The following AGAP2 variants were observed in gnomAD, a reference collection of about 807,000 sequenced individuals.
AGAP2 encodes the protein ArfGAP with GTPase domain, ankyrin repeat and PH domain 2, also known as arf-GAP with GTPase, ANK repeat and PH domain-containing protein 2.
In AGAP2, 32 loss-of-function variants were observed where a neutral mutation model predicts 110.9. The observed-to-expected ratio is 0.29, with a 90% CI of 0.22 to 0.39. The LOEUF is 0.39. Among genes scored for constraint, AGAP2 ranks in the 10% least tolerant of loss-of-function variants. The pLI is 1.00. For synonymous variants in AGAP2, 702 were observed against 713.0 expected (o/e 0.98, Z 0.25); for missense variants, 1,285 against 1,638.5 (o/e 0.78, Z 3.72).
chr12:57,737,543 G>T lies in AGAP2; in HGVS notation c.704C>A (p.Ser235Tyr). The T allele has an allele frequency of 1.3e-6, 2 of 1,556,202 alleles. No homozygotes were observed. The highest frequency in any genetic ancestry group is 2.4e-5 in the South Asian group (2 of 85,026). Residue 235 changes from serine (S) to tyrosine (Y), a missense_variant, in exon 1 of 19, where the codon TCT (serine) becomes TAT (tyrosine). By Grantham distance (144) the Ser-to-Tyr change is moderately radical (BLOSUM62 -2). Around this residue, in one of 7 missense-constraint regions of AGAP2, gnomAD observed 844 missense variants for 941.2 expected, o/e 0.90. Coordinates refer to ENST00000547588, the MANE Select transcript of AGAP2 (RefSeq NM_001122772.3). The surrounding 1 kb of genome is among the most constrained non-coding windows in gnomAD (Gnocchi z 5.9). ...KSSAGTGASV[S>Y]AAATAAAAGG... The stretch of plus-strand genomic sequence containing the variant: ...GGCGGCGGCGGCGGTGGCGGCGGCA[G>T]AGACCGAAGCTCCAGTCCCGGCGCT...
At chr12:57,728,422 A>C in intron 13 of AGAP2, 45 bp from the exon 14 acceptor site, 1 of 1,596,776 alleles carries the variant, frequency 6.3e-7, no homozygotes, top group Non-Finnish European at 8.6e-7. Flanking sequence ...TGGAGAGCAG[A>C]ACAGAGAAAG....
chr12:57,735,470 A>C, intron 1 of AGAP2, 43 bp from the exon 2 acceptor site: 1 of 1,590,178 alleles, frequency 6.3e-7, no homozygotes, highest in Non-Finnish European at 8.6e-7. Flanking sequence ...CTCCTGGCTC[A>C]GAAGGACCCC....
In AGAP2 at chr12:57,728,353, T is replaced by C. The variant is rs1224525378; in HGVS notation, c.2582A>G (p.Lys861Arg). The change falls in exon 14 of 19, where the codon AAA becomes AGA. Residue 861 changes from lysine to arginine, a missense_variant. This residue lies in a region of AGAP2 where 135 missense variants were observed against 182.0 expected (regional missense o/e 0.74). Transcript: ENST00000547588. The stretch of plus-strand genomic sequence containing the variant: ...AATATTTCTTAAACTACCAAAGGAT[T>C]TTAGTTTCCACATTTTGCGCTTGGC... The part of the protein sequence containing the change: ...AEAKRKMWKL[K>R]SFGSLRNIYK... 1 of 1,613,972 alleles carries C rather than the reference T, an allele frequency of 6.2e-7. No individual in the cohort carries two copies. The highest frequency in any genetic ancestry group is 8.5e-7 in the Non-Finnish European group (1 of 1,179,886).
rs1381357906 is a variant in AGAP2 at position 57,737,544 on chromosome 12, A to G, written c.703T>C (p.Ser235Pro). 2 of 1,555,636 alleles carry G rather than the reference A, an allele frequency of 1.3e-6. No homozygotes were observed. The highest frequency in any genetic ancestry group is 8.7e-7 in the Non-Finnish European group (1 of 1,150,428). The change falls in exon 1 of 19, where the codon TCT becomes CCT. Residue 235 changes from serine (S) to proline (P), a missense_variant. By Grantham distance (74) the Ser-to-Pro change is moderately conservative. Coordinates refer to ENST00000547588, the MANE Select transcript of AGAP2 (RefSeq NM_001122772.3). The surrounding 1 kb of genome is among the most constrained non-coding windows in gnomAD (Gnocchi z 5.9). The stretch of plus-strand genomic sequence containing the variant: ...GCGGCGGCGGCGGTGGCGGCGGCAG[A>G]GACCGAAGCTCCAGTCCCGGCGCTG... ...KSSAGTGASVSAAATAAAAGG... is the reference protein window; with the variant it reads ...KSSAGTGASVPAAATAAAAGG...
Position 57,727,679 on chromosome 12 carries a change from A to C in AGAP2, c.2857+2T>G. On this transcript the variant is annotated splice_donor_variant, in intron 16 of 18. Coordinates refer to ENST00000547588, the MANE Select transcript of AGAP2 (RefSeq NM_001122772.3). LOFTEE classifies it high-confidence loss of function. ...GCCCCTCCGCTGCCTCCTGGCACTC[A>C]CTGGGGGCCCCGCAGTCCACGCAGA... 6.2e-7 allele frequency: 1 copy of C among 1,605,284 alleles called. No homozygotes were observed.
At chr12:57,729,551 T>C in intron 13 of AGAP2, 88 bp downstream of exon 13, 2 of 1,535,626 alleles carry the variant, frequency 1.3e-6, no homozygotes, top group Non-Finnish European at 1.7e-6. Flanking sequence ...CTCAGGCACT[T>C]TTCCTCCTGC....
At chr12:57,741,241 C>T (rs1470977985), upstream of AGAP2, among the ~76,000 whole-genome samples, 2 of 152,120 alleles carry the variant, frequency 1.3e-5, no homozygotes, top group Non-Finnish European at 2.9e-5. Flanking sequence ...GCATTTCCTC[C>T]CTGTGTTGTC....
upstream of AGAP2, among the ~76,000 whole-genome samples, chr12:57,740,250 T>C (rs923359304): frequency 6.6e-6 from 1 of 152,116 alleles, no homozygotes; most frequent in Non-Finnish European, 1.5e-5. Flanking sequence ...CCAGGAGCCC[T>C]TTGTTCTCCC....
At chr12:57,730,700 C>T (rs1595085866) in intron 11 of AGAP2, 86 bp from the exon 12 acceptor site, 1 of 1,606,674 alleles carries the variant, frequency 6.2e-7, no homozygotes, top group Non-Finnish European at 8.5e-7. Context: ...CAGCTTCCTA[C>T]TCGCCCAGTG....
intron 1 of AGAP2, among the ~76,000 whole-genome samples, chr12:57,735,944 C>T (rs936915289): frequency 6.6e-6 from 1 of 152,182 alleles, no homozygotes; most frequent in Non-Finnish European, 1.5e-5. Context: ...CCCTGGACCC[C>T]TCCCCACAGC....
chr12:57,731,600 G>T lies in AGAP2; in HGVS notation c.1996C>A (p.Arg666=). Residue 666 remains arginine (R), a synonymous_variant, in exon 9 of 19, where the codon CGG becomes AGG. Transcript: ENST00000547588. ...SDSEKRSLDS[R]GETTGSGRAI... is the part of the protein sequence containing the mutation. ...CGCCCACTCCCTGTTGTCTCTCCCC[G>T]ACTATCCAAGCTTCGTTTCTCGGAG... The T allele has an allele frequency of 6.2e-7, 1 of 1,614,046 alleles. No homozygotes were observed. Among genetic ancestry groups the T allele is most frequent in the Non-Finnish European group, 8.5e-7 (1 of 1,179,992 alleles).
At chr12:57,736,032 G>A (rs1030397755) in intron 1 of AGAP2, among the ~76,000 whole-genome samples, 1 of 152,196 alleles carries the variant, frequency 6.6e-6, no homozygotes, top group African/African-American at 2.4e-5. Flanking sequence ...AAGAACTGTG[G>A]GGAAGGGCTC....
intron 10 of AGAP2, 130 bp downstream of exon 10, chr12:57,731,236 G>T: frequency 1.2e-6 from 1 of 833,644 alleles, no homozygotes; most frequent in South Asian, 1.6e-5. Context: ...CTTAACACAT[G>T]CCTGCTAAAC....
chr12:57,730,439 C>T, intron 12 of AGAP2, 56 bp downstream of exon 12: 1 of 1,603,446 alleles, frequency 6.2e-7, no homozygotes, highest in Non-Finnish European at 8.5e-7. Flanking sequence ...ATTCATTTCC[C>T]ACACTCATCC....
rs2140368439 is a variant in AGAP2, at chr12:57,737,837, G to A, written c.410C>T (p.Pro137Leu). Residue 137 changes from proline to leucine, a missense_variant, in exon 1 of 19, where the codon CCC becomes CTC. By Grantham distance (98) the Pro-to-Leu change is moderately conservative. Coordinates refer to ENST00000547588, the MANE Select transcript of AGAP2 (RefSeq NM_001122772.3). This position sits in a 1 kb window ranked among gnomAD's most constrained non-coding sequence, Gnocchi z 5.9. The part of the protein sequence containing the change: ...LSPDPKPGGA[P>L]TSSRRPLLSS... ...GAGCAGGGGGCGCCGGGAGGAGGTG[G>A]GGGCGCCCCCAGGCTTGGGGTCGGG... 1 of 1,476,988 alleles carries A rather than the reference G, an allele frequency of 6.8e-7. No individual in the cohort carries two copies. The highest frequency in any genetic ancestry group is 1.5e-5 in the African/African-American group (1 of 68,646). The allele number at this position is 1,476,988 out of a possible 1,614,324, so 91.5% of individuals were successfully genotyped here.
chr12:57,726,380 T>G lies in AGAP2; in HGVS notation c.*172A>C. 1.8e-5 allele frequency: 9 copies of G among 502,734 alleles called. No individual in the cohort carries two copies. Among genetic ancestry groups the G allele is most frequent in the East Asian group, 1.1e-4 (2 of 18,088 alleles). 31.1% of individuals were successfully genotyped at this position (502,734 alleles called of 1,614,324 possible). ...CCATGCCTCGTTGGGGAGAGGGAGG[T>G]GAGTTTGTGTCTTCTGGAAGGCGTG... On this transcript the variant is annotated 3_prime_UTR_variant, in exon 19 of 19. Transcript: ENST00000547588. This position sits in a 1 kb window ranked among gnomAD's most constrained non-coding sequence, Gnocchi z 5.7.
In AGAP2 at chr12:57,726,420, G is replaced by T; in HGVS notation, c.*132C>A. ...TGGAAGGCGTGGGGGCTGTGCCCTC[G>T]TGGGGGTAGGAAGTGCTCCCGTGGG... On this transcript the variant is annotated 3_prime_UTR_variant, in exon 19 of 19. Transcript: ENST00000547588. The surrounding 1 kb of genome is among the most constrained non-coding windows in gnomAD (Gnocchi z 5.7). 3.2e-6 allele frequency: 3 copies of T among 935,276 alleles called. No individual in the cohort carries two copies. Among genetic ancestry groups the T allele is most frequent in the Non-Finnish European group, 4.0e-6 (3 of 745,762 alleles). The allele number at this position is 935,276 out of a possible 1,614,324, so 57.9% of individuals were successfully genotyped here.
At chr12:57,732,042 G>A in intron 7 of AGAP2, 75 bp from the exon 8 acceptor site, 1 of 1,499,308 alleles carries the variant, frequency 6.7e-7, no homozygotes, top group Non-Finnish European at 9.0e-7. Context: ...TCTCGTTATG[G>A]GGAATTTGAG....
chr12:57,738,286 C>T lies in AGAP2; in HGVS notation c.-40G>A, dbSNP rs1427522549. ...CCCGAGCTGGGGAGGGGAGGGGACT[C>T]CCCCGGACTGCCTCAGGGGGGCCCG... On this transcript the variant is annotated 5_prime_UTR_variant, in exon 1 of 19. Coordinates refer to ENST00000547588, the MANE Select transcript of AGAP2 (RefSeq NM_001122772.3). This position sits in a 1 kb window ranked among gnomAD's most constrained non-coding sequence, Gnocchi z 6.7. 4 of 1,454,444 alleles carry T rather than the reference C, an allele frequency of 2.8e-6. No homozygotes were observed. The highest frequency in any genetic ancestry group is 3.0e-5 in the African/African-American group (2 of 66,918). 90.1% of individuals were successfully genotyped at this position (1,454,444 alleles called of 1,614,324 possible).
Sources: allele counts gnomAD v4.1 joint callset (sites outside exome capture counted in the v4.1 genomes callset), GRCh38; gene constraint gnomAD v4.1.1; regional missense constraint gnomAD v4.1.1; non-coding constraint Gnocchi (gnomAD v3.1); transcripts MANE v1.5; gene names NCBI Gene and HGNC (gene_info 2026-07-23, HGNC 2026-07-21).